The following KATNAL2 variants were observed in gnomAD, a reference collection of about 807,000 sequenced individuals.
KATNAL2 encodes the protein katanin catalytic subunit A1 like 2.
In KATNAL2, 52 loss-of-function variants were observed where a neutral mutation model predicts 76.3. That is an observed-to-expected ratio of 0.68 (90% confidence interval 0.55 to 0.86). The LOEUF (loss-of-function observed/expected upper bound fraction) is 0.86, where lower values mean the gene tolerates loss of function less well. Among genes scored for constraint, KATNAL2 ranks in the 40% least tolerant of loss-of-function variants. The pLI, the probability that KATNAL2 is intolerant of heterozygous loss-of-function variation, is 0.00. For synonymous variants in KATNAL2, 243 were observed against 244.2 expected (o/e 1.00, Z 0.05); for missense variants, 660 against 668.9 (o/e 0.99, Z 0.15).
At chr18:47,073,925 G>T (rs1176522091) in intron 13 of KATNAL2, among the ~76,000 whole-genome samples, 1 of 152,176 alleles carries the variant, frequency 6.6e-6, no homozygotes, top group African/African-American at 2.4e-5. Context: ...TTCCAACTGG[G>T]TGTTTGGTCT....
At chr18:46,928,508 G>C (rs6507712) in intron 1 of KATNAL2, among the ~76,000 whole-genome samples, 94,062 of 151,976 alleles carry the variant, frequency 0.62, 30,546 homozygotes, top group African/African-American at 0.82. Context: ...GGGGGTGCCT[G>C]CCAGTTAGGC....
rs11313068 is a variant in KATNAL2, at chr18:46,939,338, TAA to T, written c.-509-6706_-509-6705del. On this transcript the variant is annotated intron_variant, in intron 1 of 17. Transcript: ENST00000683218. The stretch of plus-strand genomic sequence containing the variant: ...GCAGAATGAGACTGCATCTCACAAT[TAA>T]AAAAAAAAAAAAGAAAAGAAAAGAA... Among the ~76,000 whole-genome samples, 493 of 142,666 alleles carry T rather than the reference TAA, an allele frequency of 3.5e-3. 5 individuals are homozygous for T. Among genetic ancestry groups the T allele is most frequent in the African/African-American group, 9.5e-3 (371 of 38,890 alleles). The allele number at this position is 142,666 out of a possible 152,430, so 93.6% of individuals were successfully genotyped here.
rs377609239 is a variant in KATNAL2, at chr18:47,057,586, C to T, written c.333-649C>T. Among the ~76,000 whole-genome samples the T allele has an allele frequency of 6.6e-5, 10 of 152,320 alleles. No individual in the cohort carries two copies. The South Asian group carries it at 1.9e-3, about 28-fold the overall frequency. ...CCCATCTCCATCAGAGTTAGCTACT[C>T]TTCTGACTTCCAGCCCCATCAGTTT... On this transcript the variant is annotated intron_variant, in intron 6 of 17. Transcript: ENST00000683218.
chr18:47,075,163 A>T, intron 13 of KATNAL2, 114 bp from the exon 14 acceptor site: 2 of 736,640 alleles, frequency 2.7e-6, no homozygotes, highest in Non-Finnish European at 4.1e-6. Context: ...TTGTGAAATA[A>T]CAGAGTGCAG....
intron 8 of KATNAL2, among the ~76,000 whole-genome samples, chr18:47,062,548 T>G (rs2061667655): frequency 1.3e-5 from 2 of 152,102 alleles, no homozygotes; most frequent in Non-Finnish European, 2.9e-5. Context: ...CCTTTCACAC[T>G]TATTTTGTAC....
chr18:47,065,816 A>C (rs568194132), intron 10 of KATNAL2, among the ~76,000 whole-genome samples: 31 of 151,630 alleles, frequency 2.0e-4, no homozygotes, highest in Non-Finnish European at 3.1e-4. Context: ...CCGTGTCTAC[A>C]AAAAATGAAA....
intron 1 of KATNAL2, among the ~76,000 whole-genome samples, chr18:46,931,270 A>C (rs1599334319): frequency 6.6e-6 from 1 of 151,316 alleles, no homozygotes; most frequent in African/African-American, 2.4e-5. Flanking sequence ...ACTGCACTCC[A>C]GCCTGGGCAA....
intron 3 of KATNAL2, among the ~76,000 whole-genome samples, chr18:47,043,041 T>C (rs991093372): frequency 6.6e-6 from 1 of 152,006 alleles, no homozygotes; most frequent in Non-Finnish European, 1.5e-5. Flanking sequence ...TCCTGGCTAA[T>C]ACGGTGAAAC....
At chr18:47,080,317 A>C (rs549788841) in intron 15 of KATNAL2, among the ~76,000 whole-genome samples, 2 of 152,220 alleles carry the variant, frequency 1.3e-5, no homozygotes, top group East Asian at 1.9e-4. Flanking sequence ...TTTTATTGAG[A>C]TATAACTCAC....
At chr18:46,939,043 A>G (rs1182017317) in intron 1 of KATNAL2, among the ~76,000 whole-genome samples, 1 of 152,186 alleles carries the variant, frequency 6.6e-6, no homozygotes, top group Admixed American at 6.5e-5. Context: ...GTATTTTCAG[A>G]ATAAATGACG....
At chr18:47,077,590 G>A in intron 15 of KATNAL2, 129 bp downstream of exon 15, 1 of 666,184 alleles carries the variant, frequency 1.5e-6, no homozygotes, top group Non-Finnish European at 2.7e-6. Flanking sequence ...TAATGTGGAG[G>A]CTTTACTGTT....
chr18:46,965,931 C>T (rs1304669339), intron 3 of KATNAL2, among the ~76,000 whole-genome samples: 1 of 148,408 alleles, frequency 6.7e-6, no homozygotes, highest in Non-Finnish European at 1.5e-5. Flanking sequence ...CTGCTGTCGG[C>T]GGCGATTTCG....
At position 46,956,760 on chromosome 18, in the gene KATNAL2, A is replaced by C. The variant is rs569445725; in HGVS notation, c.51+9837A>C. Among the ~76,000 whole-genome samples the C allele has an allele frequency of 3.3e-5, 5 of 152,232 alleles. No homozygotes were observed. In the East Asian group the frequency reaches 7.7e-4, roughly 24 times the overall value. On this transcript the variant is annotated intron_variant, in intron 3 of 17. Coordinates refer to ENST00000683218, the MANE Select transcript of KATNAL2 (RefSeq NM_001387690.1). ...GGAGGTTTTGAAAATTCATATGATG[A>C]GGCCAGGCATGGTGGCTCATGCCTG...
intron 3 of KATNAL2, among the ~76,000 whole-genome samples, chr18:47,036,978 A>G (rs938272369): frequency 6.6e-6 from 1 of 152,248 alleles, no homozygotes; most frequent in African/African-American, 2.4e-5. Flanking sequence ...ACAGGTATAT[A>G]TATTCAACCT....
At chr18:46,967,571 G>A (rs1420072385) in intron 3 of KATNAL2, among the ~76,000 whole-genome samples, 35 of 113,502 alleles carry the variant, frequency 3.1e-4, no homozygotes, top group African/African-American at 1.0e-3. Context: ...TTCTTTGTGT[G>A]TATGTGTGTG....
intron 1 of KATNAL2, among the ~76,000 whole-genome samples, chr18:46,929,957 T>C (rs893277858): frequency 7.9e-5 from 12 of 152,018 alleles, no homozygotes; most frequent in African/African-American, 2.9e-4. Context: ...GTACTTTTAG[T>C]GGAGACAGTG....
chr18:47,068,810 C>T (rs1431563843), intron 11 of KATNAL2, among the ~76,000 whole-genome samples: 1 of 152,152 alleles, frequency 6.6e-6, no homozygotes, highest in East Asian at 1.9e-4. Context: ...TCGAATAAAC[C>T]TTTACTAATT....
intron 3 of KATNAL2, chr18:47,034,187 A>C (rs1307133853): frequency 8.1e-6 from 13 of 1,614,008 alleles, no homozygotes; most frequent in Non-Finnish European, 1.1e-5. Flanking sequence ...GAGCTCACGG[A>C]CGTTCTGTCC....
At position 47,031,438 on chromosome 18, in the gene KATNAL2, G is replaced by A. The variant is rs563085980; in HGVS notation, c.52-15019G>A. Among the ~76,000 whole-genome samples, 6 of 151,900 alleles carry A rather than the reference G, an allele frequency of 3.9e-5. No individual in the cohort carries two copies. The East Asian group carries it at 1.2e-3, about 29-fold the overall frequency. On this transcript the variant is annotated intron_variant, in intron 3 of 17. Transcript: ENST00000683218. ...CTCTGTCTTTCTTTTTGTGTGTGTTGTGGTGGGGGCGGGGTGTGTTTCTTC... is the reference window on the plus strand; with the variant it reads ...CTCTGTCTTTCTTTTTGTGTGTGTTATGGTGGGGGCGGGGTGTGTTTCTTC...
Sources: allele counts gnomAD v4.1 joint callset (sites outside exome capture counted in the v4.1 genomes callset), GRCh38; gene constraint gnomAD v4.1.1; transcripts MANE v1.5; gene names NCBI Gene and HGNC (gene_info 2026-07-23, HGNC 2026-07-21).